TDRD6: variants seen among roughly 807,000 people sequenced by gnomAD.
TDRD6 encodes the protein tudor domain-containing protein 6.
In TDRD6, 186 loss-of-function variants were observed where a neutral mutation model predicts 157.5. That is an observed-to-expected ratio of 1.18 (90% CI 1.05 to 1.33). TDRD6 has a LOEUF of 1.33. TDRD6 is among the 40% of genes most tolerant of loss of function. TDRD6 has a pLI of 0.00. For missense variants in TDRD6, 3,066 were observed against 2,508.0 expected, an observed-to-expected ratio of 1.22 and a Z score of -4.75; for synonymous variants, 1,075 against 945.2, an observed-to-expected ratio of 1.14 and a Z score of -2.52.
chr6:46,691,310 A>C lies in TDRD6; in HGVS notation c.3182A>C (p.Lys1061Thr), dbSNP rs1402548402. The C allele has an allele frequency of 1.2e-6, 2 of 1,613,958 alleles. No homozygotes were observed. The highest frequency in any genetic ancestry group is 2.7e-5 in the African/African-American group (2 of 74,916). ...RGIVIEKEPK[K>T]VFFVDFGNIY... ...ATAGTAATAGAGAAAGAGCCAAAGAAAGTCTTCTTTGTTGATTTTGGGAAT... is the reference window on the plus strand; with the variant it reads ...ATAGTAATAGAGAAAGAGCCAAAGACAGTCTTCTTTGTTGATTTTGGGAAT... The change falls in exon 1 of 4, where the codon AAA becomes ACA. Residue 1061 changes from lysine to threonine, a missense_variant. Coordinates refer to ENST00000316081, the MANE Select transcript of TDRD6 (RefSeq NM_001010870.3).
chr6:46,689,730 T>G lies in TDRD6; in HGVS notation c.1602T>G (p.Val534=). 6.2e-7 allele frequency: 1 copy of G among 1,614,184 alleles called. No homozygotes were observed. Among genetic ancestry groups the G allele is most frequent in the African/African-American group, 1.3e-5 (1 of 75,038 alleles). ...CTGCCAGTAAGCTGGATGGTGTAGTTTTGAAACCTGAACCTGATGACCTTT... is the reference window on the plus strand; with the variant it reads ...CTGCCAGTAAGCTGGATGGTGTAGTGTTGAAACCTGAACCTGATGACCTTT... ...YSSASKLDGV[V]LKPEPDDLCC... Residue 534 remains valine (V), a synonymous_variant, in exon 1 of 4, where the codon GTT becomes GTG. Transcript: ENST00000316081.
intron 1 of TDRD6, 113 bp downstream of exon 1, chr6:46,694,287 C>T: frequency 1.4e-6 from 1 of 713,080 alleles, no homozygotes; most frequent in Non-Finnish European, 2.1e-6. Context: ...ACTGCAGCCT[C>T]TGCCTCCCAG....
In TDRD6 at chr6:46,688,247, G is replaced by A. The variant is rs1764166475; in HGVS notation, c.119G>A (p.Arg40Gln). 1 of 1,520,516 alleles carries A rather than the reference G, an allele frequency of 6.6e-7. No individual in the cohort carries two copies. Among genetic ancestry groups the A allele is most frequent in the Admixed American group, 2.1e-5 (1 of 47,548 alleles). 94.2% of individuals were successfully genotyped at this position (1,520,516 alleles called of 1,614,324 possible). A position where few individuals can be genotyped will look rare whatever the true frequency, so the allele number is the denominator to read the frequency against. ...CTGTGGGGGCTGGTGGGCGAGCGGC[G>A]GGGCGAGTACCTGCGGCTGAGCCGG... The part of the protein sequence containing the change: ...VQLWGLVGER[R>Q]GEYLRLSREI... Residue 40 changes from arginine (R) to glutamine (Q), a missense_variant, in exon 1 of 4, where the codon CGG becomes CAG. Physicochemically the swap from Arg to Gln is conservative, Grantham distance 43. Transcript: ENST00000316081.
rs202040626 is a variant in TDRD6, at chr6:46,692,986, A to G, written c.4858A>G (p.Ile1620Val). 25 of 1,612,674 alleles carry G rather than the reference A, an allele frequency of 1.6e-5. No homozygotes were observed. The highest frequency in any genetic ancestry group is 2.0e-5 in the Non-Finnish European group (24 of 1,179,160). ...TGTGGACCCAAAAGCACTCTGGGCC[A>G]TTCCTTCTGAACTTCTGTCGGTTCC... ...DCVDPKALWA[I>V]PSELLSVPMQ... Residue 1620 changes from isoleucine to valine, a missense_variant, in exon 1 of 4, where the codon ATT becomes GTT. Coordinates refer to ENST00000316081, the MANE Select transcript of TDRD6 (RefSeq NM_001010870.3).
At chr6:46,682,688 A>T in the TDRD6 span, among the ~76,000 whole-genome samples, 3 of 151,912 alleles carry the variant, frequency 2.0e-5, no homozygotes, top group African/African-American at 7.2e-5. Flanking sequence ...TATACTGGCA[A>T]TGAAAAACTA....
chr6:46,690,921 TGAA>T lies in TDRD6; in HGVS notation c.2797_2799del (p.Glu933del). 1 of 1,614,136 alleles carries T rather than the reference TGAA, an allele frequency of 6.2e-7. No homozygotes were observed. On this transcript the variant is annotated inframe_deletion, in exon 1 of 4. Transcript: ENST00000316081. ...CAATATTTGCTCTGGCTTCAATTAA[TGAA>T]GAACTGTTTAACATTGTGGATTTGC...
chr6:46,688,020 C>T lies in TDRD6; in HGVS notation c.-109C>T, dbSNP rs924733862. The T allele has an allele frequency of 5.8e-6, 8 of 1,380,130 alleles. 1 individual carries two copies. The African/African-American group carries it at 6.1e-5, about 11-fold the overall frequency. The allele number at this position is 1,380,130 out of a possible 1,614,324, so 85.5% of individuals were successfully genotyped here. ...CGGCATTCTTCCCCTCCACTGGGTCCTTTGAACCTAGTTTGGCTGGGACTC... is the reference window on the plus strand; with the variant it reads ...CGGCATTCTTCCCCTCCACTGGGTCTTTTGAACCTAGTTTGGCTGGGACTC... On this transcript the variant is annotated 5_prime_UTR_variant, in exon 1 of 4. Coordinates refer to ENST00000316081, the MANE Select transcript of TDRD6 (RefSeq NM_001010870.3).
In TDRD6 at chr6:46,693,748, C is replaced by T. The variant is rs768109382; in HGVS notation, c.5620C>T (p.Pro1874Ser). 4 of 1,614,186 alleles carry T rather than the reference C, an allele frequency of 2.5e-6. No individual in the cohort carries two copies. In the South Asian group the frequency reaches 4.4e-5, roughly 18 times the overall value. Residue 1874 changes from proline (P) to serine (S), a missense_variant, in exon 1 of 4, where the codon CCG becomes TCG. By Grantham distance (74) the Pro-to-Ser change is moderately conservative (BLOSUM62 -1). Coordinates refer to ENST00000316081, the MANE Select transcript of TDRD6 (RefSeq NM_001010870.3). Reference sequence around the variant, plus strand: ...AAAAGGGGAGCTAAGCCCGGTGCCACCGAATGTGCCACTCTCCCAAGAGTG... The same window carrying T: ...AAAAGGGGAGCTAAGCCCGGTGCCATCGAATGTGCCACTCTCCCAAGAGTG... The part of the protein sequence containing the change: ...EEKGELSPVP[P>S]NVPLSQECVT...
Position 46,698,045 on chromosome 6 carries a change from T to G in TDRD6, c.6219T>G (p.Asn2073Lys), listed in dbSNP as rs1320294389. Reference protein sequence around the residue: ...NGMEEIVNPENVWNGIPKLDK... With the variant: ...NGMEEIVNPEKVWNGIPKLDK... The stretch of plus-strand genomic sequence containing the variant: ...TGGAGGAGATAGTGAACCCTGAGAA[T>G]GTCTGGAATGGCATACCCAAATTGG... The change falls in exon 3 of 4, where the codon AAT (asparagine) becomes AAG (lysine). Residue 2073 changes from asparagine (N) to lysine (K), a missense_variant. Asn to Lys is a moderately conservative substitution (Grantham distance 94). Coordinates refer to ENST00000316081, the MANE Select transcript of TDRD6 (RefSeq NM_001010870.3). 6.2e-7 allele frequency: 1 copy of G among 1,611,314 alleles called. No individual in the cohort carries two copies. Among genetic ancestry groups the G allele is most frequent in the African/African-American group, 1.3e-5 (1 of 75,012 alleles).
In TDRD6 at chr6:46,688,304, A is replaced by T; in HGVS notation, c.176A>T (p.Gln59Leu). 6.6e-7 allele frequency: 1 copy of T among 1,504,878 alleles called. No homozygotes were observed. Among genetic ancestry groups the T allele is most frequent in the Non-Finnish European group, 8.8e-7 (1 of 1,134,182 alleles). 93.2% of individuals were successfully genotyped at this position (1,504,878 alleles called of 1,614,324 possible). Residue 59 changes from glutamine to leucine, a missense_variant, in exon 1 of 4, where the codon CAG becomes CTG. Physicochemically the swap from Gln to Leu is moderately radical, Grantham distance 113. Transcript: ENST00000316081. ...EIQEAAATRG[Q>L]WALGSASASP... ...CAGGAAGCGGCGGCCACGCGCGGCC[A>T]GTGGGCGCTGGGCAGCGCCTCGGCC...
Position 46,688,088 on chromosome 6 carries a change from C to T in TDRD6, c.-41C>T, listed in dbSNP as rs1056222044. On this transcript the variant is annotated 5_prime_UTR_variant, in exon 1 of 4. Coordinates refer to ENST00000316081, the MANE Select transcript of TDRD6 (RefSeq NM_001010870.3). Reference sequence around the variant, plus strand: ...AGGATTTCGAGGCCCTGAGGCGCGGCCCTTAATTTCCGGAAGTGGGGGCCG... The same window carrying T: ...AGGATTTCGAGGCCCTGAGGCGCGGTCCTTAATTTCCGGAAGTGGGGGCCG... 28 of 1,441,322 alleles carry T rather than the reference C, an allele frequency of 1.9e-5. No individual in the cohort carries two copies. The highest frequency in any genetic ancestry group is 2.5e-5 in the Non-Finnish European group (28 of 1,107,136). The allele number at this position is 1,441,322 out of a possible 1,614,324, so 89.3% of individuals were successfully genotyped here.
chr6:46,697,952 AT>A (rs1439133473), intron 2 of TDRD6, 45 bp from the exon 3 acceptor site: 16 of 1,114,596 alleles, frequency 1.4e-5, no homozygotes, highest in South Asian at 3.2e-5. Flanking sequence ...TAAATCAGTT[AT>A]TTTTTTGAAT....
chr6:46,701,857 G>C lies in TDRD6; in HGVS notation c.6262-1G>C. 1 of 1,612,616 alleles carries C rather than the reference G, an allele frequency of 6.2e-7. No homozygotes were observed. The highest frequency in any genetic ancestry group is 1.3e-5 in the African/African-American group (1 of 74,960). On this transcript the variant is annotated splice_acceptor_variant, in intron 3 of 3. Coordinates refer to ENST00000316081, the MANE Select transcript of TDRD6 (RefSeq NM_001010870.3). LOFTEE classifies it high-confidence loss of function. ...TTGAAGTTTTTCTCTTTTTGTTTCA[G>C]AAAAGGGGTTTGGAGGTGATGGAGA...
chr6:46,694,152 T>C lies in TDRD6; in HGVS notation c.6024T>C (p.Asn2008=). Residue 2008 remains asparagine, a synonymous_variant, in exon 1 of 4, where the codon AAT becomes AAC. Transcript: ENST00000316081. The stretch of plus-strand genomic sequence containing the variant: ...GCAGTGATGGAAGCAAGCACAATAA[T>C]GGTTTACCAGATCATATCTCAGGTA... ...EESSDGSKHN[N]GLPDHISAQL... 1 of 1,560,020 alleles carries C rather than the reference T, an allele frequency of 6.4e-7. No individual in the cohort carries two copies. The highest frequency in any genetic ancestry group is 8.6e-7 in the Non-Finnish European group (1 of 1,158,100).
chr6:46,689,651 AAC>A lies in TDRD6; in HGVS notation c.1527_1528del (p.His509GlnfsTer6), dbSNP rs762347822. ...TCTGAGTTTTGGATTAGGTTGAGGA[AAC>A]ACAATGTCACCTTCAGTAAGCTGAT... On this transcript the variant is annotated frameshift_variant, in exon 1 of 4. Coordinates refer to ENST00000316081, the MANE Select transcript of TDRD6 (RefSeq NM_001010870.3). LOFTEE classifies it high-confidence loss of function. 11 of 1,614,118 alleles carry A rather than the reference AAC, an allele frequency of 6.8e-6. No individual in the cohort carries two copies. The highest frequency in any genetic ancestry group is 1.3e-5 in the African/African-American group (1 of 74,946).
At position 46,689,696 on chromosome 6, in the gene TDRD6, T is replaced by A. The variant is rs759221284; in HGVS notation, c.1568T>A (p.Phe523Tyr). Residue 523 changes from phenylalanine to tyrosine, a missense_variant, in exon 1 of 4, where the codon TTC becomes TAC. Phe to Tyr is a conservative substitution (Grantham distance 22, BLOSUM62 3). Coordinates refer to ENST00000316081, the MANE Select transcript of TDRD6 (RefSeq NM_001010870.3). ...FSKLMRRMCG[F>Y]YSSASKLDGV... is the part of the protein sequence containing the mutation. ...AAGCTGATGAGGAGAATGTGTGGTT[T>A]CTATTCCTCTGCCAGTAAGCTGGAT... is the stretch of plus-strand genomic sequence containing the variant. The A allele has an allele frequency of 1.9e-6, 3 of 1,614,224 alleles. No individual in the cohort carries two copies. Among genetic ancestry groups the A allele is most frequent in the Non-Finnish European group, 2.5e-6 (3 of 1,180,044 alleles).
intron 2 of TDRD6, among the ~76,000 whole-genome samples, chr6:46,697,793 T>C (rs1764532948): frequency 1.3e-5 from 1 of 78,442 alleles, no homozygotes; most frequent in African/African-American, 3.8e-5. Flanking sequence ...GAGGCTGAGA[T>C]GGGCAGATTG....
intron 3 of TDRD6, among the ~76,000 whole-genome samples, chr6:46,701,495 A>G (rs925039242): frequency 4.0e-5 from 6 of 150,780 alleles, no homozygotes; most frequent in African/African-American, 1.5e-4. Context: ...ATTGAGGCAC[A>G]TTGAGAATAA....
Position 46,693,428 on chromosome 6 carries a change from A to T in TDRD6, c.5300A>T (p.Asn1767Ile). ...AACATTATTGGAACCAAACCAAGTA[A>T]CTTCCGTGACCCTAAAACTGATAAC... Reference protein sequence around the residue: ...DVNIIGTKPSNFRDPKTDNIC... With the variant: ...DVNIIGTKPSIFRDPKTDNIC... The change falls in exon 1 of 4, where the codon AAC (asparagine) becomes ATC (isoleucine). Residue 1767 changes from asparagine (N) to isoleucine (I), a missense_variant. Transcript: ENST00000316081. The T allele has an allele frequency of 6.2e-7, 1 of 1,614,148 alleles. No individual in the cohort carries two copies. Among genetic ancestry groups the T allele is most frequent in the Non-Finnish European group, 8.5e-7 (1 of 1,180,030 alleles).
Sources: allele counts gnomAD v4.1 joint callset (sites outside exome capture counted in the v4.1 genomes callset), GRCh38; gene constraint gnomAD v4.1.1; transcripts MANE v1.5; gene names NCBI Gene and HGNC (gene_info 2026-07-23, HGNC 2026-07-21).